The following ZBTB16 variants were observed in gnomAD, a reference collection of about 807,000 sequenced individuals.
The protein encoded by ZBTB16 is zinc finger and BTB domain-containing protein 16.
Under a neutral mutation model 56.8 loss-of-function variants are expected in ZBTB16, and 8 were observed. The ratio of observed to expected loss-of-function variants is 0.14; its 90% confidence interval spans 0.08 to 0.25. The LOEUF (loss-of-function observed/expected upper bound fraction) is 0.25, where lower values mean the gene tolerates loss of function less well. Among genes scored for constraint, ZBTB16 ranks in the 10% least tolerant of loss-of-function variants. The probability of loss-of-function intolerance (pLI) is 1.00; values close to 1 mark genes in which losing one functional copy is unlikely to be tolerated. For synonymous variants in ZBTB16, 363 were observed against 368.5 expected (o/e 0.98, Z 0.17); for missense variants, 625 against 903.0 (o/e 0.69, Z 3.95).
At chr11:114,097,527 A>C (rs187979312) in intron 2 of ZBTB16, among the ~76,000 whole-genome samples, 5 of 152,320 alleles carry the variant, frequency 3.3e-5, no homozygotes, top group African/African-American at 1.2e-4. Flanking sequence ...ATTTGAGAAA[A>C]AATTCTTAGA....
chr11:114,064,938 G>T lies in ZBTB16; in HGVS notation c.1268+370G>T, dbSNP rs61418615. Among the ~76,000 whole-genome samples the T allele has an allele frequency of 0.019, 2,909 of 152,134 alleles. 88 individuals are homozygous for T. The highest frequency in any genetic ancestry group is 0.066 in the African/African-American group (2,719 of 41,510). ...AAAGGAGTGGGATGAGGGTCTCTTGGGCCCTGCATCTGACCATGTTACTAG... is the reference window on the plus strand; with the variant it reads ...AAAGGAGTGGGATGAGGGTCTCTTGTGCCCTGCATCTGACCATGTTACTAG... On this transcript the variant is annotated intron_variant, in intron 2 of 6. Transcript: ENST00000335953. The surrounding 1 kb of genome is among the most constrained non-coding windows in gnomAD (Gnocchi z 4.2).
intron 3 of ZBTB16, among the ~76,000 whole-genome samples, chr11:114,174,806 C>T (rs940220877): frequency 6.6e-6 from 1 of 152,172 alleles, no homozygotes; most frequent in African/African-American, 2.4e-5. Context: ...TAGATGAGAG[C>T]TTCTCTTTTC....
chr11:114,237,035 C>T (rs1944607413), intron 4 of ZBTB16, among the ~76,000 whole-genome samples: 2 of 152,194 alleles, frequency 1.3e-5, no homozygotes, highest in African/African-American at 4.8e-5. Context: ...GTGTATTGTG[C>T]AGGGCTGCCA....
chr11:114,064,119 G>C lies in ZBTB16; in HGVS notation c.819G>C (p.Glu273Asp). 6.2e-7 allele frequency: 1 copy of C among 1,613,950 alleles called. No homozygotes were observed. The highest frequency in any genetic ancestry group is 8.5e-7 in the Non-Finnish European group (1 of 1,180,026). Residue 273 changes from glutamate to aspartate, a missense_variant, in exon 2 of 7, where the codon GAG (glutamate) becomes GAC (aspartate). Glu to Asp is a conservative substitution (Grantham distance 45). This residue lies in a region of ZBTB16 where 384 missense variants were observed against 393.5 expected (regional missense o/e 0.98). Coordinates refer to ENST00000335953, the MANE Select transcript of ZBTB16 (RefSeq NM_006006.6). The surrounding 1 kb of genome is among the most constrained non-coding windows in gnomAD (Gnocchi z 4.2). ...SISGGMGDKVEERGKEGPGTP... is the reference protein window; with the variant it reads ...SISGGMGDKVDERGKEGPGTP... ...CAGGAGGGATGGGGGACAAGGTTGA[G>C]GAAAGAGGCAAAGAGGGGCCTGGGA...
At chr11:114,236,719 C>T (rs1292896438) in intron 4 of ZBTB16, among the ~76,000 whole-genome samples, 2 of 152,178 alleles carry the variant, frequency 1.3e-5, no homozygotes, top group African/African-American at 2.4e-5. Flanking sequence ...TGTCTTACAA[C>T]CCCTTATTTA....
intron 4 of ZBTB16, among the ~76,000 whole-genome samples, chr11:114,191,901 A>G (rs573868702): frequency 6.6e-6 from 1 of 152,218 alleles, no homozygotes. Flanking sequence ...GGAGAATGAC[A>G]TGACTTGATT....
intron 2 of ZBTB16, among the ~76,000 whole-genome samples, chr11:114,093,154 GT>G (rs1565621139): frequency 1.3e-5 from 2 of 152,146 alleles, no homozygotes; most frequent in Non-Finnish European, 2.9e-5. Flanking sequence ...GGCCCCACGT[GT>G]TTTTGCCTGT....
At position 114,064,555 on chromosome 11, in the gene ZBTB16, G is replaced by A; in HGVS notation, c.1255G>A (p.Val419Met). ...CGVELPDNEA[V>M]EQHRKLHSGM... is the part of the protein sequence containing the mutation. ...GGTCGAGCTTCCTGATAACGAGGCT[G>A]TGGAGCAGCACAGGTAGGCCCCGCT... The change falls in exon 2 of 7, where the codon GTG becomes ATG. Residue 419 changes from valine to methionine, a missense_variant. Val to Met is a conservative substitution (Grantham distance 21). Coordinates refer to ENST00000335953, the MANE Select transcript of ZBTB16 (RefSeq NM_006006.6). The surrounding 1 kb of genome is among the most constrained non-coding windows in gnomAD (Gnocchi z 4.2). The A allele has an allele frequency of 6.2e-7, 1 of 1,613,890 alleles. No homozygotes were observed. The highest frequency in any genetic ancestry group is 8.5e-7 in the Non-Finnish European group (1 of 1,180,012).
chr11:114,227,039 GC>G (rs1385895286), intron 4 of ZBTB16, among the ~76,000 whole-genome samples: 2 of 152,108 alleles, frequency 1.3e-5, no homozygotes, highest in African/African-American at 4.8e-5. Context: ...TATTCAGTAA[GC>G]CTATAAATTT....
chr11:114,066,963 G>C (rs1284447528), intron 2 of ZBTB16, among the ~76,000 whole-genome samples: 3 of 151,798 alleles, frequency 2.0e-5, no homozygotes, highest in Non-Finnish European at 1.5e-5. Context: ...GTAGAGACAG[G>C]GTTTCACCAT....
chr11:114,066,037 A>G (rs1279435749), intron 2 of ZBTB16, among the ~76,000 whole-genome samples: 3 of 152,174 alleles, frequency 2.0e-5, no homozygotes, highest in African/African-American at 7.2e-5. Flanking sequence ...GAGTCAAGAA[A>G]TCCAGCTTTC....
chr11:114,068,279 G>A (rs546136700), intron 2 of ZBTB16, among the ~76,000 whole-genome samples: 4 of 152,238 alleles, frequency 2.6e-5, no homozygotes, highest in East Asian at 3.9e-4. Context: ...AAATGAAGGC[G>A]GATTGCTGGT....
chr11:114,106,265 C>T (rs1266186050), intron 2 of ZBTB16, among the ~76,000 whole-genome samples: 1 of 152,136 alleles, frequency 6.6e-6, no homozygotes, highest in Non-Finnish European at 1.5e-5. Flanking sequence ...CATCCCTTCC[C>T]CCTTGGCCGG....
intron 3 of ZBTB16, among the ~76,000 whole-genome samples, chr11:114,158,783 T>C (rs1458704748): frequency 6.6e-6 from 1 of 152,300 alleles, no homozygotes; most frequent in East Asian, 1.9e-4. Flanking sequence ...TAACATGTCA[T>C]GGGGTTAGAT....
intron 4 of ZBTB16, among the ~76,000 whole-genome samples, chr11:114,236,499 G>A (rs1944593473): frequency 6.6e-6 from 1 of 152,160 alleles, no homozygotes; most frequent in South Asian, 2.1e-4. Flanking sequence ...GACAACGAAG[G>A]AGTCCTGTCC....
At chr11:114,248,689 G>T (rs1944860431) in intron 6 of ZBTB16, among the ~76,000 whole-genome samples, 1 of 152,186 alleles carries the variant, frequency 6.6e-6, no homozygotes, top group Non-Finnish European at 1.5e-5. Flanking sequence ...AGTAAGCAGA[G>T]CTATGTGTTG....
chr11:114,224,993 G>A (rs1476666838), intron 4 of ZBTB16, among the ~76,000 whole-genome samples: 6 of 152,226 alleles, frequency 3.9e-5, no homozygotes, highest in African/African-American at 7.2e-5. Flanking sequence ...TAGAGGCAAC[G>A]TGGGTAGGCA....
intron 2 of ZBTB16, among the ~76,000 whole-genome samples, chr11:114,095,168 T>C (rs1287776241): frequency 1.3e-5 from 2 of 151,888 alleles, no homozygotes; most frequent in East Asian, 3.9e-4. Flanking sequence ...GCAGTCTCAG[T>C]CAATGCGCTC....
At chr11:114,118,871 C>G (rs961073267) in intron 2 of ZBTB16, among the ~76,000 whole-genome samples, 1 of 152,180 alleles carries the variant, frequency 6.6e-6, no homozygotes, top group African/African-American at 2.4e-5. Context: ...CTGAAAGTAA[C>G]AAGCTCTAGA....
Sources: allele counts gnomAD v4.1 joint callset (sites outside exome capture counted in the v4.1 genomes callset), GRCh38; gene constraint gnomAD v4.1.1; regional missense constraint gnomAD v4.1.1; non-coding constraint Gnocchi (gnomAD v3.1); transcripts MANE v1.5; gene names NCBI Gene and HGNC (gene_info 2026-07-23, HGNC 2026-07-21).